CPSF3: variants seen among roughly 807,000 people sequenced by gnomAD.
CPSF3 encodes cleavage and polyadenylation specific factor 3.
In CPSF3, 57 loss-of-function variants were observed where a neutral mutation model predicts 84.1. The observed-to-expected ratio is 0.68, with a 90% CI of 0.55 to 0.85. CPSF3 has a LOEUF of 0.85. CPSF3 is among the 40% of genes least tolerant of loss of function. The pLI is 0.00. For missense variants in CPSF3, 522 were observed against 838.8 expected, an observed-to-expected ratio of 0.62 and a Z score of 4.66; for synonymous variants, 275 against 278.1, an observed-to-expected ratio of 0.99 and a Z score of 0.11.
chr2:9,455,539 CT>C (rs1365606183), intron 12 of CPSF3, 119 bp from the exon 13 acceptor site: 3 of 684,718 alleles, frequency 4.4e-6, no homozygotes, highest in Non-Finnish European at 7.5e-6. Flanking sequence ...TAAGGAGCAT[CT>C]TGTTAGCTTT....
At chr2:9,426,062 TGAG>T (rs1680380210) in intron 1 of CPSF3, among the ~76,000 whole-genome samples, 1 of 152,234 alleles carries the variant, frequency 6.6e-6, no homozygotes, top group African/African-American at 2.4e-5. Context: ...GGTTCAAAAT[TGAG>T]GAGTTTTGTT....
intron 12 of CPSF3, 43 bp downstream of exon 12, chr2:9,453,064 C>G: frequency 8.3e-7 from 1 of 1,202,908 alleles, no homozygotes; most frequent in Non-Finnish European, 1.2e-6. Context: ...CACCTTAGCA[C>G]TGAAAGAAAA....
In CPSF3 at chr2:9,448,346, C is replaced by T. The variant is rs1465657308; in HGVS notation, c.1391C>T (p.Ala464Val). Residue 464 changes from alanine to valine, a missense_variant, in exon 11 of 18, where the codon GCC (alanine) becomes GTC (valine). Physicochemically the swap from Ala to Val is moderately conservative, Grantham distance 64. This residue lies in a region of CPSF3 where 329 missense variants were observed against 607.2 expected (regional missense o/e 0.54). Coordinates refer to ENST00000238112, the MANE Select transcript of CPSF3 (RefSeq NM_016207.4). The part of the protein sequence containing the change: ...VTLNFRGEKL[A>V]KVMGFLADKK... ...TTAAACTTCAGAGGAGAAAAACTAG[C>T]CAAGGTAAAAGGTTATGGTTCCTGT... The T allele has an allele frequency of 6.2e-7, 1 of 1,610,466 alleles. No homozygotes were observed. The highest frequency in any genetic ancestry group is 1.1e-5 in the South Asian group (1 of 90,080).
chr2:9,442,076 A>G, intron 9 of CPSF3, 100 bp downstream of exon 9: 1 of 1,240,620 alleles, frequency 8.1e-7, no homozygotes, highest in Non-Finnish European at 1.1e-6. Context: ...TTCAAATAAT[A>G]CAAGTTTTGA....
rs920112680 is a variant in CPSF3 at position 9,458,219 on chromosome 2, C to T, written c.1698+1192C>T. ...AGGAGTTCGAGACCACCCTAGCCAA[C>T]ATGGTGAAAACCCGTCTCTACTAAA... On this transcript the variant is annotated intron_variant, in intron 14 of 17. Coordinates refer to ENST00000238112, the MANE Select transcript of CPSF3 (RefSeq NM_016207.4). Among the ~76,000 whole-genome samples, 7 of 151,844 alleles carry T rather than the reference C, an allele frequency of 4.6e-5. No homozygotes were observed. The East Asian group carries it at 1.4e-3, about 30-fold the overall frequency.
chr2:9,442,031 C>A, intron 9 of CPSF3, 55 bp downstream of exon 9: 1 of 1,565,640 alleles, frequency 6.4e-7, no homozygotes, highest in Non-Finnish European at 8.7e-7. Context: ...ACGGAGGTGG[C>A]ACGGTCCTCA....
intron 3 of CPSF3, among the ~76,000 whole-genome samples, chr2:9,430,436 ATGT>A (rs1455492528): frequency 6.6e-6 from 1 of 152,206 alleles, no homozygotes; most frequent in Non-Finnish European, 1.5e-5. Context: ...GGAGATATCC[ATGT>A]TTCAACTTTA....
intron 11 of CPSF3, among the ~76,000 whole-genome samples, chr2:9,452,052 G>T (rs957598611): frequency 2.0e-5 from 3 of 152,114 alleles, no homozygotes; most frequent in African/African-American, 7.2e-5. Flanking sequence ...AGTGGGGCTG[G>T]GTGTCATGGC....
chr2:9,432,095 A>G (rs937695696), intron 4 of CPSF3, among the ~76,000 whole-genome samples: 5 of 152,200 alleles, frequency 3.3e-5, no homozygotes, highest in Non-Finnish European at 5.9e-5. Flanking sequence ...AGGTTGTGCT[A>G]GACTTTGTAG....
chr2:9,432,754 C>T, intron 5 of CPSF3, 66 bp downstream of exon 5: 2 of 1,277,768 alleles, frequency 1.6e-6, no homozygotes, highest in South Asian at 2.6e-5. Context: ...CCACCAAGTA[C>T]TATTAAAAAA....
At chr2:9,447,004 G>C (rs1681148325) in intron 10 of CPSF3, among the ~76,000 whole-genome samples, 1 of 152,170 alleles carries the variant, frequency 6.6e-6, no homozygotes, top group East Asian at 1.9e-4. Context: ...AGCCAAGCAT[G>C]GTGGCTCATG....
intron 15 of CPSF3, among the ~76,000 whole-genome samples, chr2:9,466,359 CA>C (rs1196320298): frequency 2.7e-5 from 4 of 149,696 alleles, no homozygotes; most frequent in African/African-American, 7.4e-5. Context: ...CGCGCACACA[CA>C]CACGCACACA....
chr2:9,470,268 T>A (rs1682118738), intron 16 of CPSF3, among the ~76,000 whole-genome samples: 1 of 152,102 alleles, frequency 6.6e-6, no homozygotes, highest in Non-Finnish European at 1.5e-5. Flanking sequence ...TGTGCTAGGG[T>A]CCCACCTAAG....
chr2:9,462,620 G>A (rs958610616), intron 15 of CPSF3, among the ~76,000 whole-genome samples: 2 of 152,150 alleles, frequency 1.3e-5, no homozygotes, highest in Non-Finnish European at 2.9e-5. Flanking sequence ...GTTTTATACG[G>A]GAAGGAATAC....
intron 15 of CPSF3, among the ~76,000 whole-genome samples, chr2:9,464,015 C>T (rs1681819920): frequency 6.6e-6 from 1 of 152,126 alleles, no homozygotes; most frequent in African/African-American, 2.4e-5. Context: ...TCTTAGCCTC[C>T]TGACACTTCA....
intron 12 of CPSF3, among the ~76,000 whole-genome samples, chr2:9,455,426 G>T (rs1205895392): frequency 6.6e-6 from 1 of 152,090 alleles, no homozygotes; most frequent in East Asian, 1.9e-4. Flanking sequence ...GAGCCACCGC[G>T]CCTGGCCATA....
At chr2:9,448,442 T>C in intron 11 of CPSF3, 92 bp downstream of exon 11, 1 of 1,093,200 alleles carries the variant, frequency 9.1e-7, no homozygotes, top group Non-Finnish European at 1.3e-6. Flanking sequence ...GTCAAAAGAA[T>C]ATGCTTATTT....
chr2:9,448,263 A>G lies in CPSF3; in HGVS notation c.1308A>G (p.Glu436=). Residue 436 remains glutamate (E), a synonymous_variant, in exon 11 of 18, where the codon GAA becomes GAG. Transcript: ENST00000238112. The part of the protein sequence containing the change: ...RLKAALIREY[E]DNDEVHIEVH... ...AAGCAGCACTGATTCGAGAATATGAAGATAACGATGAAGTTCACATAGAGG... is the reference window on the plus strand; with the variant it reads ...AAGCAGCACTGATTCGAGAATATGAGGATAACGATGAAGTTCACATAGAGG... 1 of 1,612,698 alleles carries G rather than the reference A, an allele frequency of 6.2e-7. No individual in the cohort carries two copies. The highest frequency in any genetic ancestry group is 2.2e-5 in the East Asian group (1 of 44,832).
chr2:9,455,757 G>T lies in CPSF3; in HGVS notation c.1603G>T (p.Gly535Cys). 1.2e-6 allele frequency: 2 copies of T among 1,602,368 alleles called. No homozygotes were observed. The highest frequency in any genetic ancestry group is 1.7e-6 in the Non-Finnish European group (2 of 1,170,272). The change falls in exon 13 of 18, where the codon GGT (glycine) becomes TGT (cysteine). Residue 535 changes from glycine to cysteine, a missense_variant and splice_region_variant. Around this residue, in one of 2 missense-constraint regions of CPSF3, gnomAD observed 193 missense variants for 231.6 expected, o/e 0.83. Transcript: ENST00000238112. Reference protein sequence around the residue: ...LLCYQLQKLTGDVEELEIQEK... With the variant: ...LLCYQLQKLTCDVEELEIQEK... ...CTGTTACCAGCTGCAGAAATTGACA[G>T]GTGTGTGTGTGTACTGAAATTCATT... is the stretch of plus-strand genomic sequence containing the variant.
Sources: gnomAD v4.1 joint callset for allele counts (sites outside exome capture counted in the v4.1 genomes callset) on GRCh38, gnomAD v4.1.1 for gene constraint, gnomAD v4.1.1 regional missense constraint, MANE v1.5 for transcripts, NCBI Gene and HGNC (gene_info 2026-07-23, HGNC 2026-07-21) for gene names.